The following ANKMY2 variants were observed in gnomAD, a reference collection of about 807,000 sequenced individuals.
ANKMY2 encodes the protein ankyrin repeat and MYND domain containing 2, also known as ankyrin repeat and MYND domain-containing protein 2.
In ANKMY2, 36 loss-of-function variants were observed where a neutral mutation model predicts 50.4. That is an observed-to-expected ratio of 0.71 (90% confidence interval 0.55 to 0.94). The LOEUF (loss-of-function observed/expected upper bound fraction) is 0.94. Ranked by LOEUF, ANKMY2 falls within the 40% of genes least tolerant of loss-of-function variation. ANKMY2 has a pLI of 0.00. For missense variants in ANKMY2, 565 were observed against 524.0 expected (o/e 1.08, Z -0.76); for synonymous variants, 187 against 178.8 (o/e 1.05, Z -0.36).
intron 2 of ANKMY2, among the ~76,000 whole-genome samples, chr7:16,630,830 A>G (rs1781572288): frequency 6.6e-6 from 1 of 152,184 alleles, no homozygotes; most frequent in South Asian, 2.1e-4. Flanking sequence ...TGGCACTTGA[A>G]CAAAGCCCTG....
chr7:16,632,895 T>C (rs535178028), intron 2 of ANKMY2, among the ~76,000 whole-genome samples: 55 of 152,358 alleles, frequency 3.6e-4, no homozygotes, highest in African/African-American at 1.2e-3. Context: ...CCAATTTCTT[T>C]ACATCCTTGC....
intron 1 of ANKMY2, among the ~76,000 whole-genome samples, chr7:16,645,127 C>T (rs1781814369): frequency 6.6e-6 from 1 of 152,112 alleles, no homozygotes; most frequent in African/African-American, 2.4e-5. Context: ...TTTAGACACC[C>T]GCCTAAGAAC....
Position 16,602,376 on chromosome 7 carries a change from A to G in ANKMY2, c.1141+4T>C, listed in dbSNP as rs112788803. On this transcript the variant is annotated splice_donor_region_variant and intron_variant, in intron 9 of 9. Coordinates refer to ENST00000306999, the MANE Select transcript of ANKMY2 (RefSeq NM_020319.3). ...CAGAGTGAACTCGGTTTTTATATAC[A>G]TACGGTTTTCCTCTTGTCTCTTTTC... 4.6e-5 allele frequency: 74 copies of G among 1,612,038 alleles called. No homozygotes were observed. The African/African-American group carries it at 7.1e-4, about 15-fold the overall frequency.
chr7:16,645,441 C>A lies in ANKMY2; in HGVS notation c.67+66G>T, dbSNP rs371758782. 3.1e-5 allele frequency: 46 copies of A among 1,495,432 alleles called. 1 individual carries two copies. In the East Asian group the frequency reaches 4.8e-4, roughly 16 times the overall value. 92.6% of individuals were successfully genotyped at this position (1,495,432 alleles called of 1,614,324 possible). ...CAAAGGTCACCCAGGCCAGGAGCGC[C>A]CCCCGGGCTCCGCCACGCCCCCCGG... On this transcript the variant is annotated intron_variant, in intron 1 of 9. Transcript: ENST00000306999.
intron 2 of ANKMY2, among the ~76,000 whole-genome samples, chr7:16,628,684 G>C (rs561664406): frequency 6.6e-6 from 1 of 152,250 alleles, no homozygotes; most frequent in African/African-American, 2.4e-5. Context: ...TGTAGCCTGA[G>C]GGGTGGTAGG....
At chr7:16,633,527 A>C (rs1486194646) in intron 2 of ANKMY2, among the ~76,000 whole-genome samples, 1 of 152,066 alleles carries the variant, frequency 6.6e-6, no homozygotes, top group East Asian at 1.9e-4. Context: ...CTATATCTTC[A>C]TTAACCTGAG....
In ANKMY2 at chr7:16,615,769, G is replaced by T; in HGVS notation, c.506C>A (p.Thr169Asn). Reference sequence around the variant, plus strand: ...CTTGACAGGATGAAGATTCGTTGTGGTGATAATTTTGTGCAGCGGGCCTGC... The same window carrying T: ...CTTGACAGGATGAAGATTCGTTGTGTTGATAATTTTGTGCAGCGGGCCTGC... ...KLAGPLHKIITTTNLHPVKIV... is the reference protein window; with the variant it reads ...KLAGPLHKIINTTNLHPVKIV... The change falls in exon 5 of 10, where the codon ACC becomes AAC. Residue 169 changes from threonine (T) to asparagine (N), a missense_variant. Coordinates refer to ENST00000306999, the MANE Select transcript of ANKMY2 (RefSeq NM_020319.3). The T allele has an allele frequency of 6.2e-7, 1 of 1,614,198 alleles. No individual in the cohort carries two copies. Among genetic ancestry groups the T allele is most frequent in the Non-Finnish European group, 8.5e-7 (1 of 1,180,034 alleles).
At chr7:16,603,206 AG>A (rs1362360961) in intron 8 of ANKMY2, among the ~76,000 whole-genome samples, 1 of 152,210 alleles carries the variant, frequency 6.6e-6, no homozygotes, top group Admixed American at 6.5e-5. Flanking sequence ...TACAATGACA[AG>A]GAAGATAGAG....
At chr7:16,612,034 G>A (rs1037787663) in intron 5 of ANKMY2, among the ~76,000 whole-genome samples, 2 of 152,076 alleles carry the variant, frequency 1.3e-5, no homozygotes, top group African/African-American at 4.8e-5. Context: ...AATTCTTCCT[G>A]GTTGTAAGAC....
intron 4 of ANKMY2, among the ~76,000 whole-genome samples, chr7:16,617,702 A>C (rs1197885054): frequency 6.6e-6 from 1 of 152,192 alleles, no homozygotes; most frequent in African/African-American, 2.4e-5. Context: ...ATGGTGGCTC[A>C]TGCCTATAAT....
chr7:16,625,391 G>A (rs536213048), intron 3 of ANKMY2, among the ~76,000 whole-genome samples: 3 of 152,000 alleles, frequency 2.0e-5, no homozygotes, highest in African/African-American at 4.8e-5. Context: ...ATCAAAATAC[G>A]CATACAAAAC....
At chr7:16,607,033 T>A (rs566126979) in intron 7 of ANKMY2, among the ~76,000 whole-genome samples, 17 of 152,166 alleles carry the variant, frequency 1.1e-4, no homozygotes, top group African/African-American at 4.1e-4. Flanking sequence ...GGGGAAAAGG[T>A]TGGGCATCAC....
At chr7:16,638,861 C>CT (rs1162006579) in intron 1 of ANKMY2, among the ~76,000 whole-genome samples, 3 of 55,548 alleles carry the variant, frequency 5.4e-5, no homozygotes, top group African/African-American at 2.4e-4. Flanking sequence ...GCACCTAGCA[C>CT]CCCATTGTTC....
At chr7:16,634,025 A>G (rs1374613703) in intron 2 of ANKMY2, among the ~76,000 whole-genome samples, 1 of 152,096 alleles carries the variant, frequency 6.6e-6, no homozygotes. Context: ...TCTGATATTA[A>G]TTTTGCTACC....
chr7:16,636,281 C>T (rs1463655707), intron 2 of ANKMY2, 110 bp downstream of exon 2: 19 of 676,982 alleles, frequency 2.8e-5, no homozygotes, highest in African/African-American at 2.6e-4. Context: ...CCAGCCTGGG[C>T]GAAAGAGCAA....
At chr7:16,619,813 A>T (rs1781407511) in intron 4 of ANKMY2, among the ~76,000 whole-genome samples, 2 of 152,344 alleles carry the variant, frequency 1.3e-5, no homozygotes, top group South Asian at 2.1e-4. Context: ...GGGCTCACTG[A>T]GTGTGATTAA....
chr7:16,603,701 T>C (rs779476325), intron 8 of ANKMY2: 1 of 471,148 alleles, frequency 2.1e-6, no homozygotes, highest in Non-Finnish European at 4.4e-6. Context: ...GGCCATGTAA[T>C]TTGTTTCAAC....
At chr7:16,626,587 A>T (rs1008540691) in intron 3 of ANKMY2, among the ~76,000 whole-genome samples, 19 of 152,206 alleles carry the variant, frequency 1.2e-4, no homozygotes, top group Non-Finnish European at 2.5e-4. Context: ...AATTGTCCTT[A>T]TTCAGCAAAT....
At chr7:16,639,971 C>A (rs1781723313) in intron 1 of ANKMY2, among the ~76,000 whole-genome samples, 1 of 150,938 alleles carries the variant, frequency 6.6e-6, no homozygotes, top group African/African-American at 2.4e-5. Flanking sequence ...ACCAGCCTGG[C>A]CAACATGGTG....
Sources: gnomAD v4.1 joint callset for allele counts (sites outside exome capture counted in the v4.1 genomes callset) on GRCh38, gnomAD v4.1.1 for gene constraint, MANE v1.5 for transcripts, NCBI Gene and HGNC (gene_info 2026-07-23, HGNC 2026-07-21) for gene names.